The following GREB1 variants were observed in gnomAD, a reference collection of about 807,000 sequenced individuals.
The protein encoded by GREB1 is protein GREB1.
A neutral mutation model predicts 200.7 loss-of-function variants in GREB1; 106 were observed. That is an observed-to-expected ratio of 0.53 (90% confidence interval 0.45 to 0.62). The LOEUF (loss-of-function observed/expected upper bound fraction) is 0.62. Ranked by LOEUF, GREB1 falls within the 20% of genes least tolerant of loss-of-function variation. The probability of loss-of-function intolerance (pLI) is 0.00; values close to 1 mark genes in which losing one functional copy is unlikely to be tolerated. For missense variants in GREB1, 2,243 were observed against 2,556.8 expected (o/e 0.88, Z 2.65); for synonymous variants, 1,132 against 1,092.4 (o/e 1.04, Z -0.72).
chr2:11,545,765 TGATGAA>T (rs1351104192), intron 1 of GREB1, among the ~76,000 whole-genome samples: 1 of 152,150 alleles, frequency 6.6e-6, no homozygotes, highest in Non-Finnish European at 1.5e-5. Context: ...TTTAGGACTG[TGATGAA>T]GATGAAGTAA....
intron 17 of GREB1, among the ~76,000 whole-genome samples, chr2:11,606,913 G>A (rs558840379): frequency 2.0e-5 from 3 of 151,926 alleles, no homozygotes; most frequent in South Asian, 4.2e-4. Context: ...CTCCTGAGTA[G>A]CTGGGATTAC....
chr2:11,574,031 T>C (rs1323161739), intron 4 of GREB1, among the ~76,000 whole-genome samples: 1 of 152,262 alleles, frequency 6.6e-6, no homozygotes, highest in Non-Finnish European at 1.5e-5. Flanking sequence ...TCGGGCCTTG[T>C]TCTTAGGCAG....
At chr2:11,585,477 TC>T (rs1679985371) in intron 8 of GREB1, among the ~76,000 whole-genome samples, 1 of 152,214 alleles carries the variant, frequency 6.6e-6, no homozygotes, top group Non-Finnish European at 1.5e-5. Context: ...AGGTCTAGGA[TC>T]CGTGTATGAT....
At chr2:11,620,764 C>T (rs1357816358) in intron 22 of GREB1, 141 bp from the exon 23 acceptor site, 1 of 597,824 alleles carries the variant, frequency 1.7e-6, no homozygotes, top group Non-Finnish European at 3.0e-6. Flanking sequence ...CTTCAAATAT[C>T]TTTGCATCCA....
chr2:11,484,348 C>G (rs1449082222), intron 1 of GREB1, among the ~76,000 whole-genome samples: 1 of 152,048 alleles, frequency 6.6e-6, no homozygotes, highest in East Asian at 1.9e-4. Context: ...ATGCCAAAAT[C>G]TGGTTCATTT....
At chr2:11,606,321 C>T (rs75039533) in intron 17 of GREB1, among the ~76,000 whole-genome samples, 4,400 of 152,286 alleles carry the variant, frequency 0.029, 87 homozygotes, top group Non-Finnish European at 0.042. Flanking sequence ...TCAGTGGCTC[C>T]ACATCTTTGT....
upstream of GREB1, among the ~76,000 whole-genome samples, chr2:11,529,242 G>C (rs554714942): frequency 3.3e-5 from 5 of 152,312 alleles, no homozygotes; most frequent in East Asian, 9.6e-4. Flanking sequence ...TTAAGAGCAA[G>C]ATATGACTAT....
At position 11,625,170 on chromosome 2, in the gene GREB1, T is replaced by C. The variant is rs1019731910; in HGVS notation, c.4164T>C (p.Ser1388=). 3 of 1,613,726 alleles carry C rather than the reference T, an allele frequency of 1.9e-6. No individual in the cohort carries two copies. The highest frequency in any genetic ancestry group is 1.3e-5 in the African/African-American group (1 of 74,928). ...ATCTTGTAGACCTCAGAGAAGAATC[T>C]GACTGGCATTATCTCCAGCTTAGCG... The part of the protein sequence containing the change: ...EEININLREE[S]DWHYLQLSDP... The change falls in exon 24 of 33, where the codon TCT becomes TCC. Residue 1388 remains serine (S), a synonymous_variant. Transcript: ENST00000381486.
chr2:11,527,346 T>C (rs1386141045), intron 1 of GREB1, among the ~76,000 whole-genome samples: 3 of 152,256 alleles, frequency 2.0e-5, no homozygotes, highest in Admixed American at 6.5e-5. Context: ...AAAGTAACTT[T>C]GGTTGTGGGA....
intron 4 of GREB1, among the ~76,000 whole-genome samples, chr2:11,573,456 C>T (rs1475550987): frequency 6.6e-6 from 1 of 152,206 alleles, no homozygotes; most frequent in African/African-American, 2.4e-5. Context: ...GTAAAGAAAA[C>T]TTTCTAGACT....
chr2:11,514,510 C>T (rs193059037), intron 1 of GREB1, among the ~76,000 whole-genome samples: 1 of 152,292 alleles, frequency 6.6e-6, no homozygotes, highest in Non-Finnish European at 1.5e-5. Context: ...TATGTAACTG[C>T]TGTCTTGGGG....
At chr2:11,528,135 C>T (rs1161064295) in intron 1 of GREB1, among the ~76,000 whole-genome samples, 4 of 152,214 alleles carry the variant, frequency 2.6e-5, no homozygotes, top group African/African-American at 9.6e-5. Context: ...CCTAGCTGTT[C>T]ACACCAGGAA....
chr2:11,566,764 C>T (rs1197810027), intron 4 of GREB1, 108 bp downstream of exon 4: 33 of 964,998 alleles, frequency 3.4e-5, no homozygotes, highest in Non-Finnish European at 4.4e-5. Flanking sequence ...TCTTTGGGAC[C>T]CCAGGCGCAG....
intron 17 of GREB1, among the ~76,000 whole-genome samples, chr2:11,604,498 C>G (rs796640016): frequency 5.3e-5 from 8 of 152,290 alleles, no homozygotes; most frequent in African/African-American, 1.9e-4. Context: ...TTCTCTCTCC[C>G]CCTCTGCTAA....
chr2:11,502,271 A>G lies in GREB1; in HGVS notation c.-159+19890A>G, dbSNP rs1673069974. ...GGTCTCAGTCTGTTGCCTAGGCTGGAGTGCAGTGGTATGGTAACAGCTCAC... is the reference window on the plus strand; with the variant it reads ...GGTCTCAGTCTGTTGCCTAGGCTGGGGTGCAGTGGTATGGTAACAGCTCAC... On this transcript the variant is annotated intron_variant, in intron 1 of 2. Coordinates refer to the GREB1 transcript ENST00000628795. 2.2e-5 allele frequency among the ~76,000 whole-genome samples: 3 copies of G among 139,096 alleles called. No individual in the cohort carries two copies. The Admixed American group carries it at 2.3e-4, about 11-fold the overall frequency. The allele number at this position is 139,096 out of a possible 152,430, so 91.3% of individuals were successfully genotyped here.
At chr2:11,587,608 G>A (rs1680253742) in intron 9 of GREB1, 1 of 1,460,472 alleles carries the variant, frequency 6.8e-7, no homozygotes, top group African/African-American at 1.4e-5. Context: ...TACTCCCCGA[G>A]CCCAGCAGGA....
intron 10 of GREB1, chr2:11,591,484 TCTCA>T: frequency 1.4e-6 from 1 of 715,580 alleles, no homozygotes; most frequent in Non-Finnish European, 2.6e-6. Flanking sequence ...AAGTATTCAG[TCTCA>T]CTCATCATCA....
At chr2:11,528,316 C>A (rs1351774294) in intron 1 of GREB1, among the ~76,000 whole-genome samples, 1 of 152,194 alleles carries the variant, frequency 6.6e-6, no homozygotes, top group African/African-American at 2.4e-5. Flanking sequence ...TCTATCCATA[C>A]AAGGCAAGAA....
intron 1 of GREB1, among the ~76,000 whole-genome samples, chr2:11,546,828 T>A (rs887144129): frequency 2.0e-5 from 3 of 152,078 alleles, no homozygotes; most frequent in African/African-American, 7.2e-5. Flanking sequence ...TAACTTTCTA[T>A]AAAATCAGGA....
Sources: gnomAD v4.1 joint callset for allele counts (sites outside exome capture counted in the v4.1 genomes callset) on GRCh38, gnomAD v4.1.1 for gene constraint, MANE v1.5 for transcripts, NCBI Gene and HGNC (gene_info 2026-07-23, HGNC 2026-07-21) for gene names.